The following ST3GAL1 variants were observed in gnomAD, a reference collection of about 807,000 sequenced individuals.
ST3GAL1 encodes the protein ST3 beta-galactoside alpha-2,3-sialyltransferase 1, also known as CMP-N-acetylneuraminate-beta-galactosamide-alpha-2,3-sialyltransferase 1.
In ST3GAL1, 16 loss-of-function variants were observed where a neutral mutation model predicts 34.1. The ratio of observed to expected loss-of-function variants is 0.47; its 90% confidence interval spans 0.32 to 0.71. The LOEUF is 0.71. Ranked by LOEUF, ST3GAL1 falls within the 30% of genes least tolerant of loss-of-function variation. ST3GAL1 has a pLI of 0.04. For synonymous variants in ST3GAL1, 191 were observed against 184.7 expected (o/e 1.03, Z -0.28); for missense variants, 353 against 447.4 (o/e 0.79, Z 1.90).
At chr8:133,490,291 C>T (rs1386690956) in intron 3 of ST3GAL1, among the ~76,000 whole-genome samples, 1 of 124,188 alleles carries the variant, frequency 8.1e-6, no homozygotes, top group African/African-American at 3.1e-5. Flanking sequence ...CCTGAGCCTG[C>T]TCTTCCATGC....
In ST3GAL1 at chr8:133,525,265, G is replaced by A. The variant is rs148629023; in HGVS notation, c.-429+20509C>T. 3.1e-3 allele frequency among the ~76,000 whole-genome samples: 468 copies of A among 152,358 alleles called. 3 individuals carry two copies. Among genetic ancestry groups the A allele is most frequent in the African/African-American group, 0.011 (447 of 41,574 alleles). ...ACATAGTGGGTAGCTCCTTTCTGCAGTTAGGTCATCCCAAAGAGTCAAGGA... is the reference window on the plus strand; with the variant it reads ...ACATAGTGGGTAGCTCCTTTCTGCAATTAGGTCATCCCAAAGAGTCAAGGA... On this transcript the variant is annotated intron_variant, in intron 2 of 9. Coordinates refer to ENST00000522652, the MANE Select transcript of ST3GAL1 (RefSeq NM_173344.3).
chr8:133,494,711 T>C (rs1404965854), intron 3 of ST3GAL1, among the ~76,000 whole-genome samples: 1 of 152,060 alleles, frequency 6.6e-6, no homozygotes, highest in Non-Finnish European at 1.5e-5. Context: ...CCTTGCTCAC[T>C]CCAGCTCAGC....
At chr8:133,487,426 G>A (rs532369962) in intron 3 of ST3GAL1, among the ~76,000 whole-genome samples, 1 of 152,156 alleles carries the variant, frequency 6.6e-6, no homozygotes, top group South Asian at 2.1e-4. Context: ...AACTGCATAT[G>A]TGTGTGTGTG....
At chr8:133,559,095 T>G (rs1454805227) in intron 1 of ST3GAL1, among the ~76,000 whole-genome samples, 2 of 152,100 alleles carry the variant, frequency 1.3e-5, no homozygotes, top group African/African-American at 4.8e-5. Context: ...TGGGACAGGC[T>G]GTGGCCACCT....
Position 133,540,728 on chromosome 8 carries a change from CATATATATATATATAGACAT to C in ST3GAL1, c.-429+5026_-429+5045del, listed in dbSNP as rs773565623. Among the ~76,000 whole-genome samples the C allele has an allele frequency of 9.0e-4, 80 of 88,660 alleles. 1 individual carries two copies. In the East Asian group the frequency reaches 9.2e-3, roughly 10 times the overall value. 58.2% of individuals were successfully genotyped at this position (88,660 alleles called of 152,430 possible). ...ATATACAGACATATATATATATAGACATATATATATATATAGACATATATATATATATAGACATATATATA... is the reference window on the plus strand; with the variant it reads ...ATATACAGACATATATATATATAGACATATATATATATAGACATATATATA... On this transcript the variant is annotated intron_variant, in intron 2 of 9. Coordinates refer to ENST00000522652, the MANE Select transcript of ST3GAL1 (RefSeq NM_173344.3).
At chr8:133,513,202 A>G (rs931397187) in intron 2 of ST3GAL1, among the ~76,000 whole-genome samples, 5 of 152,182 alleles carry the variant, frequency 3.3e-5, no homozygotes, top group Admixed American at 6.5e-5. Flanking sequence ...GCCCTGCTGA[A>G]GAGCTCCCCC....
intron 3 of ST3GAL1, among the ~76,000 whole-genome samples, chr8:133,496,528 T>C (rs1289522780): frequency 1.3e-5 from 2 of 152,182 alleles, no homozygotes; most frequent in Non-Finnish European, 2.9e-5. Context: ...CATTTCCAGA[T>C]CACAGAGGAA....
chr8:133,518,918 C>T (rs1370835463), intron 2 of ST3GAL1, among the ~76,000 whole-genome samples: 1 of 152,176 alleles, frequency 6.6e-6, no homozygotes, highest in African/African-American at 2.4e-5. Context: ...CAGTGCAAGG[C>T]TCTGGAGGAG....
At chr8:133,515,617 T>C (rs576740156) in intron 2 of ST3GAL1, 28 of 152,316 alleles carry the variant, frequency 1.8e-4, no homozygotes, top group African/African-American at 6.7e-4. Flanking sequence ...CTTCTTACTA[T>C]TACCCTTACC....
intron 1 of ST3GAL1, chr8:133,566,915 G>A (rs2131120278): frequency 6.6e-6 from 1 of 152,310 alleles, no homozygotes; most frequent in Non-Finnish European, 1.5e-5. Context: ...GGAGGGAAAT[G>A]GGGCCAAAGC....
intron 5 of ST3GAL1, among the ~76,000 whole-genome samples, chr8:133,468,283 A>G (rs1199930457): frequency 6.6e-6 from 1 of 152,262 alleles, no homozygotes; most frequent in Non-Finnish European, 1.5e-5. Flanking sequence ...TTATTTAGCT[A>G]TAAAAAGAAA....
intron 3 of ST3GAL1, among the ~76,000 whole-genome samples, chr8:133,485,353 CCTT>C (rs1354275137): frequency 6.6e-6 from 1 of 152,196 alleles, no homozygotes; most frequent in Non-Finnish European, 1.5e-5. Flanking sequence ...CCAGAACCTG[CCTT>C]CTTCTACCTC....
At chr8:133,564,555 G>C (rs545141127) in intron 1 of ST3GAL1, among the ~76,000 whole-genome samples, 1,646 of 75,658 alleles carry the variant, frequency 0.022, 9 homozygotes, top group Middle Eastern at 0.045. Flanking sequence ...CACACACACA[G>C]AGTCAGAAGA....
chr8:133,497,798 C>T (rs1316953293), intron 3 of ST3GAL1, among the ~76,000 whole-genome samples: 1 of 152,014 alleles, frequency 6.6e-6, no homozygotes, highest in Non-Finnish European at 1.5e-5. Flanking sequence ...ACAACCCCCA[C>T]CCCACTGCCA....
Position 133,464,968 on chromosome 8 carries a change from AG to A in ST3GAL1, c.504-12del, listed in dbSNP as rs750158241. On this transcript the variant is annotated splice_polypyrimidine_tract_variant and intron_variant, in intron 6 of 9. Coordinates refer to ENST00000522652, the MANE Select transcript of ST3GAL1 (RefSeq NM_173344.3). ...GGCGCCTTGTTCATCCTGGGAGAGAAGGGGAGAAAGCTGAGTCTTGTAGCAC... is the reference window on the plus strand; with the variant it reads ...GGCGCCTTGTTCATCCTGGGAGAGAAGGGAGAAAGCTGAGTCTTGTAGCAC... 6.2e-7 allele frequency: 1 copy of A among 1,609,972 alleles called. No homozygotes were observed. The highest frequency in any genetic ancestry group is 8.5e-7 in the Non-Finnish European group (1 of 1,177,426).
chr8:133,564,019 T>C (rs1819318957), intron 1 of ST3GAL1, among the ~76,000 whole-genome samples: 1 of 152,196 alleles, frequency 6.6e-6, no homozygotes, highest in East Asian at 1.9e-4. Flanking sequence ...ATATCCTGCC[T>C]CTTTTGCAAC....
chr8:133,474,668 A>T (rs1285857936), intron 5 of ST3GAL1, among the ~76,000 whole-genome samples: 1 of 151,914 alleles, frequency 6.6e-6, no homozygotes, highest in Non-Finnish European at 1.5e-5. Flanking sequence ...AGCAGAGGCC[A>T]CCCTCGGGCT....
rs1563744654 is a variant in ST3GAL1, at chr8:133,562,834, C to CTTCT, written c.-582+8858_-582+8859insAGAA. The stretch of plus-strand genomic sequence containing the variant: ...CCTTCCTTCCTTCCTTCCTTCCTTC[C>CTTCT]TTCCTTCCTTTCTTTCTTTTTTTTT... On this transcript the variant is annotated intron_variant, in intron 1 of 9. Transcript: ENST00000522652. Among the ~76,000 whole-genome samples, 7 of 96,702 alleles carry CTTCT rather than the reference C, an allele frequency of 7.2e-5. 1 individual carries two copies. Among genetic ancestry groups the CTTCT allele is most frequent in the African/African-American group, 4.1e-4 (7 of 17,164 alleles). The allele number at this position is 96,702 out of a possible 152,430, so 63.4% of individuals were successfully genotyped here. A position where few individuals can be genotyped will look rare whatever the true frequency, so the allele number is the denominator to read the frequency against.
chr8:133,506,363 G>A (rs887249540), intron 2 of ST3GAL1, among the ~76,000 whole-genome samples: 1 of 151,858 alleles, frequency 6.6e-6, no homozygotes, highest in Non-Finnish European at 1.5e-5. Flanking sequence ...GCTTGGGCAT[G>A]TGGCAAGGGC....
Sources: gnomAD v4.1 joint callset for allele counts (sites outside exome capture counted in the v4.1 genomes callset) on GRCh38, gnomAD v4.1.1 for gene constraint, MANE v1.5 for transcripts, NCBI Gene and HGNC (gene_info 2026-07-23, HGNC 2026-07-21) for gene names.